SNHG17: variants seen among roughly 807,000 people sequenced by gnomAD.
SNHG17 encodes small nucleolar RNA host gene 17, also known as small nucleolar RNA host gene 17 (non-protein coding).
At chr20:38,429,720 C>A (rs41282828) in intron 3 of SNHG17, 1 of 511,540 alleles carries the variant, frequency 2.0e-6, no homozygotes, top group Admixed American at 2.0e-5. Context: ...CCTCCAAACA[C>A]GGGGAAGTGC....
chr20:38,430,320 A>AGAAAAT (rs1224811792), intron 3 of SNHG17, among the ~76,000 whole-genome samples: 49 of 148,582 alleles, frequency 3.3e-4, no homozygotes, highest in African/African-American at 1.2e-3. Context: ...CCGTCTCAAA[A>AGAAAAT]GAAAATAAAA....
At chr20:38,424,165 G>A (rs1420999173) in intron 5 of SNHG17, among the ~76,000 whole-genome samples, 1 of 142,364 alleles carries the variant, frequency 7.0e-6, no homozygotes, top group Non-Finnish European at 1.5e-5. Context: ...GCAAGACTGG[G>A]TCTCAAAAAA....
chr20:38,428,906 A>ACAAGGC (rs1174134304), intron 3 of SNHG17: 5 of 152,262 alleles, frequency 3.3e-5, no homozygotes, highest in African/African-American at 1.2e-4. Flanking sequence ...TCCTCCCCAT[A>ACAAGGC]CAAGGCCAAG....
At chr20:38,426,194 A>G (rs1449947377) in intron 4 of SNHG17, 3 of 152,246 alleles carry the variant, frequency 2.0e-5, no homozygotes, top group Non-Finnish European at 4.4e-5. Flanking sequence ...GCCAATCCAC[A>G]CTAGGATGAC....
chr20:38,420,721 CCACGGT>C (rs1188541031), exon 8 of SNHG17: 1 of 152,204 alleles, frequency 6.6e-6, no homozygotes, highest in Non-Finnish European at 1.5e-5. Flanking sequence ...CCTTCCCTGT[CCACGGT>C]CCTCTGAGGC....
intron 3 of SNHG17, chr20:38,429,145 T>C (rs1414024932): frequency 1.3e-5 from 2 of 153,048 alleles, no homozygotes; most frequent in Non-Finnish European, 2.9e-5. Flanking sequence ...CATGGCTCAC[T>C]GCAGCCTTGT....
intron 2 of SNHG17, chr20:38,432,015 C>A: frequency 1.0e-6 from 1 of 985,432 alleles, no homozygotes; most frequent in African/African-American, 1.7e-5. Context: ...CCATGGTCCA[C>A]CTGCTTCCTG....
chr20:38,425,614 T>A (rs1045662087), intron 5 of SNHG17, among the ~76,000 whole-genome samples: 6 of 152,186 alleles, frequency 3.9e-5, no homozygotes, highest in Non-Finnish European at 8.8e-5. Context: ...TCTTACAAGT[T>A]CCCAAGTAAT....
At chr20:38,420,714 T>TC (rs1172618238) in exon 8 of SNHG17, 3 of 152,184 alleles carry the variant, frequency 2.0e-5, no homozygotes, top group African/African-American at 7.2e-5. Context: ...AGGCTGGCCT[T>TC]CCCTGTCCAC....
intron 3 of SNHG17, chr20:38,429,651 C>T (rs754985998): frequency 2.7e-5 from 13 of 485,174 alleles, no homozygotes; most frequent in Admixed American, 7.0e-5. Context: ...CCATCTAAGA[C>T]GTGGTGGGAG....
At chr20:38,430,837 C>T (rs1382837827) in intron 3 of SNHG17, 1 of 152,298 alleles carries the variant, frequency 6.6e-6, no homozygotes, top group Non-Finnish European at 1.5e-5. Context: ...CAATCAAGCT[C>T]AGGGAGCACC....
intron 2 of SNHG17, chr20:38,432,241 C>A (rs1017331444): frequency 3.8e-5 from 32 of 849,176 alleles, no homozygotes; most frequent in Non-Finnish European, 4.4e-5. Flanking sequence ...ACGAAGAGTT[C>A]ATCTAGAGAA....
intron 3 of SNHG17, chr20:38,429,520 GCC>G (rs1483512028): frequency 3.5e-6 from 1 of 289,200 alleles, no homozygotes; most frequent in African/African-American, 2.3e-5. Context: ...TCCACACCCA[GCC>G]CTTCTGCTCC....
chr20:38,432,948 C>T (rs943263870), intron 2 of SNHG17, among the ~76,000 whole-genome samples: 1 of 152,068 alleles, frequency 6.6e-6, no homozygotes, highest in African/African-American at 2.4e-5. Context: ...CCACGACCAG[C>T]CACAGTTGTC....
At chr20:38,423,456 T>C (rs2084193166) in intron 5 of SNHG17, among the ~76,000 whole-genome samples, 1 of 147,280 alleles carries the variant, frequency 6.8e-6, no homozygotes, top group Non-Finnish European at 1.5e-5. Flanking sequence ...ATCCTGTCAT[T>C]TGCCACAACA....
At chr20:38,425,346 T>C in intron 5 of SNHG17, 1 of 518,288 alleles carries the variant, frequency 1.9e-6, no homozygotes, top group Middle Eastern at 3.2e-4. Context: ...AATAGGGCAG[T>C]GAGTGAGTTG....
At chr20:38,435,196 C>T in intron 1 of SNHG17, 1 of 1,232,144 alleles carries the variant, frequency 8.1e-7, no homozygotes, top group Non-Finnish European at 1.0e-6. Context: ...TGTGGACTCA[C>T]CCGGCGCCCT....
At chr20:38,433,464 C>A (rs1277285018) in intron 2 of SNHG17, among the ~76,000 whole-genome samples, 1 of 152,084 alleles carries the variant, frequency 6.6e-6, no homozygotes, top group East Asian at 1.9e-4. Context: ...GGCAACATAG[C>A]GAGACCCTGT....
chr20:38,432,096 G>A (rs2084349885), intron 2 of SNHG17: 1 of 985,396 alleles, frequency 1.0e-6, no homozygotes, highest in African/African-American at 1.7e-5. Context: ...AAGAAGCCCT[G>A]GATGAGCTAT....
Sources: gnomAD v4.1 joint callset for allele counts (sites outside exome capture counted in the v4.1 genomes callset) on GRCh38, gnomAD v4.1.1 for gene constraint, MANE v1.5 for transcripts, NCBI Gene and HGNC (gene_info 2026-07-23, HGNC 2026-07-21) for gene names.